The following SLC4A10 variants were observed in gnomAD, a reference collection of about 807,000 sequenced individuals.
SLC4A10 encodes the protein solute carrier family 4 member 10.
A neutral mutation model predicts 137.7 loss-of-function variants in SLC4A10; 42 were observed. The observed-to-expected ratio is 0.30, with a 90% CI of 0.24 to 0.39. SLC4A10 has a LOEUF of 0.39. Among genes scored for constraint, SLC4A10 ranks in the 10% least tolerant of loss-of-function variants. SLC4A10 has a pLI of 1.00. For missense variants in SLC4A10, 925 were observed against 1,355.0 expected, an observed-to-expected ratio of 0.68 and a Z score of 4.98; for synonymous variants, 474 against 464.1, an observed-to-expected ratio of 1.02 and a Z score of -0.27.
intron 1 of SLC4A10, among the ~76,000 whole-genome samples, chr2:161,732,083 C>T (rs1334064854): frequency 6.6e-6 from 1 of 152,198 alleles, no homozygotes; most frequent in African/African-American, 2.4e-5. Context: ...AGATGCAGTG[C>T]TCTTCAAGAA....
chr2:161,719,446 T>G (rs916470918), intron 1 of SLC4A10, among the ~76,000 whole-genome samples: 19 of 152,214 alleles, frequency 1.2e-4, no homozygotes, highest in Non-Finnish European at 2.2e-4. Flanking sequence ...CAAATGGTAT[T>G]TCTAGTTCTA....
intron 3 of SLC4A10, among the ~76,000 whole-genome samples, chr2:161,809,023 T>G (rs1158319212): frequency 6.6e-6 from 1 of 152,318 alleles, no homozygotes; most frequent in East Asian, 1.9e-4. Flanking sequence ...CAATTTATAT[T>G]CCCACCAACA....
chr2:161,966,655 A>G (rs1215680752), intron 23 of SLC4A10, among the ~76,000 whole-genome samples: 1 of 151,818 alleles, frequency 6.6e-6, no homozygotes, highest in Admixed American at 6.6e-5. Context: ...AGGCTGAGGC[A>G]GGAGGATCAC....
chr2:161,713,854 A>G (rs1196924373), intron 1 of SLC4A10, among the ~76,000 whole-genome samples: 2 of 151,898 alleles, frequency 1.3e-5, no homozygotes, highest in African/African-American at 4.8e-5. Flanking sequence ...TTAGTATTGC[A>G]TGAGGTTAGT....
intron 5 of SLC4A10, among the ~76,000 whole-genome samples, chr2:161,857,440 T>A (rs971202187): frequency 6.6e-6 from 1 of 152,212 alleles, no homozygotes; most frequent in Non-Finnish European, 1.5e-5. Context: ...AGTGGTTTAA[T>A]GCTAACATCA....
rs181480385 is a variant in SLC4A10, at chr2:161,976,896, G to A, written c.3344+20G>A. 9 of 1,324,876 alleles carry A rather than the reference G, an allele frequency of 6.8e-6. No homozygotes were observed. In the East Asian group the frequency reaches 1.7e-4, roughly 25 times the overall value. 82.1% of individuals were successfully genotyped at this position (1,324,876 alleles called of 1,614,324 possible). On this transcript the variant is annotated intron_variant, in intron 25 of 26. Coordinates refer to ENST00000446997, the MANE Select transcript of SLC4A10 (RefSeq NM_001178015.2). ...CAAAAGGTTTGGATTTTAAAATAATGAGAATTTATACTAATTCCAATTGTT... is the reference window on the plus strand; with the variant it reads ...CAAAAGGTTTGGATTTTAAAATAATAAGAATTTATACTAATTCCAATTGTT...
chr2:161,858,695 T>C (rs2060234399), intron 5 of SLC4A10, among the ~76,000 whole-genome samples: 1 of 152,192 alleles, frequency 6.6e-6, no homozygotes, highest in Non-Finnish European at 1.5e-5. Context: ...AGATTAATGA[T>C]GGAAATATCC....
chr2:161,877,727 G>T lies in SLC4A10; in HGVS notation c.949-1404G>T, dbSNP rs142227718. On this transcript the variant is annotated intron_variant, in intron 8 of 26. Coordinates refer to ENST00000446997, the MANE Select transcript of SLC4A10 (RefSeq NM_001178015.2). ...TTATGAATTTACAAATTTATATTTG[G>T]AGTACATTTGTAGCTTAAAAATTTT... Among the ~76,000 whole-genome samples the T allele has an allele frequency of 4.2e-3, 637 of 152,018 alleles. 2 individuals are homozygous for T. The highest frequency in any genetic ancestry group is 0.013 in the African/African-American group (558 of 41,520).
At chr2:161,839,075 G>C (rs569413287) in intron 3 of SLC4A10, among the ~76,000 whole-genome samples, 1 of 152,204 alleles carries the variant, frequency 6.6e-6, no homozygotes, top group East Asian at 1.9e-4. Context: ...CCTCCAGCAG[G>C]TGAATGCATA....
intron 1 of SLC4A10, among the ~76,000 whole-genome samples, chr2:161,718,205 T>C (rs991739818): frequency 5.3e-5 from 8 of 152,154 alleles, no homozygotes; most frequent in Non-Finnish European, 7.4e-5. Flanking sequence ...TTAGTCTAGC[T>C]AGTGGTCTAG....
Position 161,697,292 on chromosome 2 carries a change from A to G in SLC4A10, c.48+72726A>G, listed in dbSNP as rs145588901. On this transcript the variant is annotated intron_variant, in intron 1 of 26. Coordinates refer to ENST00000446997, the MANE Select transcript of SLC4A10 (RefSeq NM_001178015.2). The stretch of plus-strand genomic sequence containing the variant: ...CTGTTGGTAGTTTCTTTTGCTGTGC[A>G]GAAATTCTGTAGTTTAATTGGCTCC... 6.6e-3 allele frequency among the ~76,000 whole-genome samples: 1,010 copies of G among 152,240 alleles called. 2 individuals carry two copies. The highest frequency in any genetic ancestry group is 0.024 in the Middle Eastern group (7 of 294).
intron 1 of SLC4A10, among the ~76,000 whole-genome samples, chr2:161,742,512 C>T (rs1035990515): frequency 6.9e-6 from 1 of 145,406 alleles, no homozygotes; most frequent in Admixed American, 7.0e-5. Flanking sequence ...CTGATTTCGG[C>T]TCACTGCAAC....
intron 1 of SLC4A10, among the ~76,000 whole-genome samples, chr2:161,640,670 G>C (rs1412715462): frequency 1.1e-5 from 1 of 87,626 alleles, no homozygotes; most frequent in South Asian, 3.7e-4. Flanking sequence ...CTTTCTTTTT[G>C]AGATGGGGTC....
chr2:161,785,209 A>G (rs1411055115), intron 2 of SLC4A10, among the ~76,000 whole-genome samples: 21 of 151,880 alleles, frequency 1.4e-4, no homozygotes. Flanking sequence ...CTGGACAGAC[A>G]AATAACAAGC....
chr2:161,778,559 T>C (rs2052649377), intron 2 of SLC4A10, among the ~76,000 whole-genome samples: 1 of 151,924 alleles, frequency 6.6e-6, no homozygotes, highest in African/African-American at 2.4e-5. Flanking sequence ...GCAATACCTT[T>C]AATTCATAAT....
At chr2:161,797,160 G>C (rs1384041800) in intron 2 of SLC4A10, among the ~76,000 whole-genome samples, 2 of 152,106 alleles carry the variant, frequency 1.3e-5, no homozygotes, top group Non-Finnish European at 2.9e-5. Flanking sequence ...AAGCTTTGCT[G>C]ATTATAAAAA....
chr2:161,717,548 A>G (rs1020271756), intron 1 of SLC4A10, among the ~76,000 whole-genome samples: 13 of 152,174 alleles, frequency 8.5e-5, no homozygotes, highest in Non-Finnish European at 1.5e-4. Flanking sequence ...TAATGAGATA[A>G]TCACGTGGCT....
At chr2:161,830,683 A>G (rs529481592) in intron 3 of SLC4A10, among the ~76,000 whole-genome samples, 28 of 152,310 alleles carry the variant, frequency 1.8e-4, no homozygotes, top group African/African-American at 6.3e-4. Context: ...AGTGTACAAA[A>G]TACATCTTGG....
At chr2:161,822,421 C>G (rs2057698666) in intron 3 of SLC4A10, among the ~76,000 whole-genome samples, 1 of 152,170 alleles carries the variant, frequency 6.6e-6, no homozygotes, top group Non-Finnish European at 1.5e-5. Flanking sequence ...ACTATGTCTG[C>G]TCACACTGGG....
Sources: allele counts gnomAD v4.1 joint callset (sites outside exome capture counted in the v4.1 genomes callset), GRCh38; gene constraint gnomAD v4.1.1; transcripts MANE v1.5; gene names NCBI Gene and HGNC (gene_info 2026-07-23, HGNC 2026-07-21).